RPGRIP1L: variants seen among roughly 807,000 people sequenced by gnomAD.
RPGRIP1L encodes RPGRIP1 like, also known as protein fantom.
A neutral mutation model predicts 160.4 loss-of-function variants in RPGRIP1L; 131 were observed. The ratio of observed to expected loss-of-function variants is 0.82; its 90% CI spans 0.71 to 0.94. RPGRIP1L has a LOEUF of 0.94. Ranked by LOEUF, RPGRIP1L falls within the 40% of genes least tolerant of loss-of-function variation. The pLI is 0.00. For missense variants in RPGRIP1L, 1,522 were observed against 1,535.8 expected, an observed-to-expected ratio of 0.99 and a Z score of 0.15; for synonymous variants, 510 against 515.8, an observed-to-expected ratio of 0.99 and a Z score of 0.15.
Position 53,638,626 on chromosome 16 carries a change from T to C in RPGRIP1L, c.2959-215A>G, listed in dbSNP as rs141393182. On this transcript the variant is annotated intron_variant, in intron 19 of 26. Coordinates refer to ENST00000647211, the MANE Select transcript of RPGRIP1L (RefSeq NM_015272.5). ...GTAATTTAAGAACTGCAAGTTTAGT[T>C]CATTGAAGCACTGTTTACAATAGCA... Among the ~76,000 whole-genome samples the C allele has an allele frequency of 3.3e-5, 5 of 151,758 alleles. No homozygotes were observed. In the East Asian group the frequency reaches 7.7e-4, roughly 23 times the overall value.
intron 24 of RPGRIP1L, 82 bp from the exon 25 acceptor site, chr16:53,611,133 T>C (rs113574771): frequency 1.0e-6 from 1 of 985,488 alleles, no homozygotes; most frequent in East Asian, 2.4e-5. Flanking sequence ...TTTTTAAAAA[T>C]ACCTGTTTTT....
At chr16:53,661,246 G>A (rs1188369241) in intron 10 of RPGRIP1L, among the ~76,000 whole-genome samples, 17 of 149,454 alleles carry the variant, frequency 1.1e-4, no homozygotes, top group African/African-American at 3.9e-4. Flanking sequence ...GTGGTGAGCC[G>A]AGATCGCACC....
In RPGRIP1L at chr16:53,692,170, G is replaced by T; in HGVS notation, c.425C>A (p.Thr142Asn). 6.2e-7 allele frequency: 1 copy of T among 1,613,974 alleles called. No homozygotes were observed. The highest frequency in any genetic ancestry group is 8.5e-7 in the Non-Finnish European group (1 of 1,180,022). Residue 142 changes from threonine to asparagine, a missense_variant, in exon 4 of 27, where the codon ACC becomes AAC. Transcript: ENST00000647211. ...GTATGGAGTTTGCCTGTAACCCTGG[G>T]TTTGAAGTTGCTGTTTGGCTGAAAT... The part of the protein sequence containing the change: ...RLISAKQQLQ[T>N]QGYRQTPYNN...
intron 4 of RPGRIP1L, 141 bp downstream of exon 4, chr16:53,691,924 AT>A: frequency 1.3e-6 from 1 of 787,168 alleles, no homozygotes; most frequent in Non-Finnish European, 2.1e-6. Context: ...TGACAATATT[AT>A]TTTATCAAAG....
intron 1 of RPGRIP1L, chr16:53,701,911 T>A (rs1971427624): frequency 6.6e-6 from 1 of 152,188 alleles, no homozygotes. Context: ...TGCATTTTGC[T>A]TTTACAGAAA....
At chr16:53,696,334 A>C (rs1486488853) in intron 2 of RPGRIP1L, 39 bp from the exon 3 acceptor site, 1 of 1,606,572 alleles carries the variant, frequency 6.2e-7, no homozygotes, top group East Asian at 2.2e-5. Flanking sequence ...GAGGTTACTT[A>C]AAATAGTCTC....
In RPGRIP1L at chr16:53,600,032, A is replaced by T. The variant is rs1334837737; in HGVS notation, c.*2044T>A. 6.6e-6 allele frequency: 1 copy of T among 152,208 alleles called. No homozygotes were observed. The highest frequency in any genetic ancestry group is 1.5e-5 in the Non-Finnish European group (1 of 68,042). 9.4% of individuals were successfully genotyped at this position (152,208 alleles called of 1,614,324 possible). A position where few individuals can be genotyped will look rare whatever the true frequency, so the allele number is the denominator to read the frequency against. On this transcript the variant is annotated 3_prime_UTR_variant, in exon 27 of 27. Coordinates refer to ENST00000647211, the MANE Select transcript of RPGRIP1L (RefSeq NM_015272.5). ...GGGTCCCATAAGTTTTCTAAGAAAA[A>T]CTTTTCCTTTCCACTTAATGATCCT... is the stretch of plus-strand genomic sequence containing the variant.
rs116177554 is a variant in RPGRIP1L at position 53,681,358 on chromosome 16, G to C, written c.776+5075C>G. 6.4e-3 allele frequency among the ~76,000 whole-genome samples: 968 copies of C among 152,258 alleles called. 10 individuals are homozygous for C. The highest frequency in any genetic ancestry group is 0.022 in the African/African-American group (906 of 41,552). ...TAAGAGTATAAATATTTTTGGAGTTGAAAAAGGTCAGTAAATGGTAAAATC... is the reference window on the plus strand; with the variant it reads ...TAAGAGTATAAATATTTTTGGAGTTCAAAAAGGTCAGTAAATGGTAAAATC... On this transcript the variant is annotated intron_variant, in intron 6 of 26. Coordinates refer to ENST00000647211, the MANE Select transcript of RPGRIP1L (RefSeq NM_015272.5).
intron 4 of RPGRIP1L, among the ~76,000 whole-genome samples, chr16:53,689,349 C>G (rs1245685543): frequency 6.6e-6 from 1 of 151,896 alleles, no homozygotes; most frequent in Non-Finnish European, 1.5e-5. Context: ...CTTATTTTTT[C>G]TATCTAACTG....
rs775828153 is a variant in RPGRIP1L, at chr16:53,658,752, T to C, written c.1350+20A>G. The C allele has an allele frequency of 6.6e-7, 1 of 1,507,220 alleles. No homozygotes were observed. Among genetic ancestry groups the C allele is most frequent in the Middle Eastern group, 1.8e-4 (1 of 5,482 alleles). 93.4% of individuals were successfully genotyped at this position (1,507,220 alleles called of 1,614,324 possible). A position where few individuals can be genotyped will look rare whatever the true frequency, so the allele number is the denominator to read the frequency against. The stretch of plus-strand genomic sequence containing the variant: ...GATAAAAATTCTGAGTTTTATTTCT[T>C]AAATAAGGAAATAATTCACCTGGTT... On this transcript the variant is annotated intron_variant, in intron 11 of 26. Coordinates refer to ENST00000647211, the MANE Select transcript of RPGRIP1L (RefSeq NM_015272.5).
chr16:53,636,315 T>G (rs2151028515), intron 22 of RPGRIP1L, 124 bp downstream of exon 22: 1 of 739,926 alleles, frequency 1.4e-6, no homozygotes, highest in Non-Finnish European at 2.4e-6. Context: ...AAGATTATGA[T>G]AAACATTAAA....
At chr16:53,648,813 C>A in intron 16 of RPGRIP1L, 151 bp downstream of exon 16, 1 of 694,016 alleles carries the variant, frequency 1.4e-6, no homozygotes, top group Non-Finnish European at 2.4e-6. Context: ...CTATTTTTAC[C>A]ACTTCCTGTG....
Position 53,703,835 on chromosome 16 carries a change from C to T in RPGRIP1L, c.-40G>A, listed in dbSNP as rs1237049950. On this transcript the variant is annotated 5_prime_UTR_variant, in exon 1 of 27. Transcript: ENST00000647211. ...CTGGCCCTGCAGCTAGCTACCGTTG[C>T]TATAGCGCCGACAGCGTGGCGGGCG... 2.2e-6 allele frequency: 1 copy of T among 458,898 alleles called. No individual in the cohort carries two copies. The highest frequency in any genetic ancestry group is 4.0e-6 in the Non-Finnish European group (1 of 248,072). 28.4% of individuals were successfully genotyped at this position (458,898 alleles called of 1,614,324 possible).
At chr16:53,670,923 C>T (rs1968663697) in intron 9 of RPGRIP1L, among the ~76,000 whole-genome samples, 1 of 152,010 alleles carries the variant, frequency 6.6e-6, no homozygotes, top group South Asian at 2.1e-4. Flanking sequence ...AGAAAGAACT[C>T]GTCACTACCA....
chr16:53,646,096 A>T, intron 16 of RPGRIP1L, 93 bp from the exon 17 acceptor site: 1 of 1,138,744 alleles, frequency 8.8e-7, no homozygotes, highest in Non-Finnish European at 1.3e-6. Context: ...TTTGTCAATG[A>T]CAAAAGCTGC....
At chr16:53,623,000 C>G (rs112228126) in intron 22 of RPGRIP1L, among the ~76,000 whole-genome samples, 1 of 151,860 alleles carries the variant, frequency 6.6e-6, no homozygotes, top group Non-Finnish European at 1.5e-5. Context: ...AGGGTGAGAC[C>G]CTGTCTCAAA....
Position 53,665,022 on chromosome 16 carries a change from C to T in RPGRIP1L, c.1104-13G>A, listed in dbSNP as rs775179294. 42 of 1,613,096 alleles carry T rather than the reference C, an allele frequency of 2.6e-5. No homozygotes were observed. In the Middle Eastern group the frequency reaches 6.6e-4, roughly 25 times the overall value. ...AGCACTGAAGGCACTGCAAAACACACGTGACATGCAAGGAAAGCTTGGAAA... is the reference window on the plus strand; with the variant it reads ...AGCACTGAAGGCACTGCAAAACACATGTGACATGCAAGGAAAGCTTGGAAA... On this transcript the variant is annotated splice_polypyrimidine_tract_variant and intron_variant, in intron 9 of 26. Transcript: ENST00000647211.
intron 4 of RPGRIP1L, among the ~76,000 whole-genome samples, chr16:53,688,749 C>T (rs1271638107): frequency 2.6e-5 from 4 of 152,046 alleles, no homozygotes; most frequent in African/African-American, 9.6e-5. Context: ...TTTCATTGCT[C>T]TGCATATTCT....
At chr16:53,664,398 T>A (rs982764368) in intron 10 of RPGRIP1L, among the ~76,000 whole-genome samples, 3 of 152,150 alleles carry the variant, frequency 2.0e-5, no homozygotes, top group Non-Finnish European at 4.4e-5. Flanking sequence ...CTCTCTGTCA[T>A]CTTACACTAG....
Sources: gnomAD v4.1 joint callset for allele counts (sites outside exome capture counted in the v4.1 genomes callset) on GRCh38, gnomAD v4.1.1 for gene constraint, MANE v1.5 for transcripts, NCBI Gene and HGNC (gene_info 2026-07-23, HGNC 2026-07-21) for gene names.